APLP2: variants seen among roughly 807,000 people sequenced by gnomAD.
The protein encoded by APLP2 is CDEI box-binding protein.
Under a neutral mutation model 89.9 loss-of-function variants are expected in APLP2, and 53 were observed. The ratio of observed to expected loss-of-function variants is 0.59; its 90% confidence interval spans 0.47 to 0.74. The LOEUF is 0.74. Among genes scored for constraint, APLP2 ranks in the 30% least tolerant of loss-of-function variants. The pLI is 0.00. For synonymous variants in APLP2, 372 were observed against 348.6 expected (o/e 1.07, Z -0.75); for missense variants, 973 against 975.9 (o/e 1.00, Z 0.04).
At chr11:130,142,126 G>T (rs1269823580) in intron 16 of APLP2, 52 bp downstream of exon 16, 9 of 1,536,796 alleles carry the variant, frequency 5.9e-6, no homozygotes, top group Non-Finnish European at 7.0e-6. Flanking sequence ...CTGGGTTGGG[G>T]GTGGGAACCT....
At chr11:130,127,665 A>G (rs1950529588) in intron 8 of APLP2, 101 bp from the exon 9 acceptor site, 2 of 964,612 alleles carry the variant, frequency 2.1e-6, no homozygotes, top group African/African-American at 3.2e-5. Context: ...TTCCTTTTGC[A>G]GTTTCCTGTG....
intron 11 of APLP2, among the ~76,000 whole-genome samples, chr11:130,130,709 C>G (rs375415631): frequency 2.6e-5 from 4 of 152,328 alleles, no homozygotes; most frequent in Non-Finnish European, 5.9e-5. Context: ...ACCAGGAAGT[C>G]TCCTAGCTCA....
At chr11:130,091,344 G>C (rs1162974022) in intron 1 of APLP2, among the ~76,000 whole-genome samples, 1 of 143,534 alleles carries the variant, frequency 7.0e-6, no homozygotes. Flanking sequence ...CCTCCCGGAC[G>C]GGGCGGCTGG....
rs1213909770 is a variant in APLP2 at position 130,111,304 on chromosome 11, G to A, written c.403+643G>A. Among the ~76,000 whole-genome samples the A allele has an allele frequency of 5.3e-5, 8 of 152,264 alleles. No individual in the cohort carries two copies. In the South Asian group the frequency reaches 1.4e-3, roughly 28 times the overall value. Reference sequence around the variant, plus strand: ...GAATATATTCATTTTAACTATTTGTGCCTGATACATTGGAATTACACTCAC... The same window carrying A: ...GAATATATTCATTTTAACTATTTGTACCTGATACATTGGAATTACACTCAC... On this transcript the variant is annotated intron_variant, in intron 3 of 16. Coordinates refer to ENST00000338167, the MANE Select transcript of APLP2 (RefSeq NM_001142276.2).
At chr11:130,100,092 G>A (rs904421580) in intron 1 of APLP2, among the ~76,000 whole-genome samples, 2 of 152,328 alleles carry the variant, frequency 1.3e-5, no homozygotes, top group East Asian at 1.9e-4. Flanking sequence ...TCATTTAAAC[G>A]TCAGAGCAGC....
intron 1 of APLP2, among the ~76,000 whole-genome samples, chr11:130,088,457 G>A (rs1042356849): frequency 6.6e-6 from 1 of 151,970 alleles, no homozygotes; most frequent in South Asian, 2.1e-4. Context: ...TTAGCAATGC[G>A]AATCATCTAG....
Position 130,123,968 on chromosome 11 carries a change from G to A in APLP2, c.1090+189G>A, listed in dbSNP as rs913415950. ...TCTCCTGCCGGCAGTGGTAAGCTCA[G>A]TTCTCGTGTCCTGTGCTCACCGTGT... is the stretch of plus-strand genomic sequence containing the variant. On this transcript the variant is annotated intron_variant, in intron 7 of 16. Coordinates refer to ENST00000338167, the MANE Select transcript of APLP2 (RefSeq NM_001142276.2). The surrounding 1 kb of genome is among the most constrained non-coding windows in gnomAD (Gnocchi z 4.0). Among the ~76,000 whole-genome samples the A allele has an allele frequency of 6.6e-6, 1 of 152,182 alleles. No homozygotes were observed. Among genetic ancestry groups the A allele is most frequent in the African/African-American group, 2.4e-5 (1 of 41,452 alleles).
intron 1 of APLP2, among the ~76,000 whole-genome samples, chr11:130,107,565 G>T (rs576130932): frequency 6.6e-6 from 1 of 152,094 alleles, no homozygotes; most frequent in African/African-American, 2.4e-5. Context: ...AAATAAAAGA[G>T]GACACAAACA....
intron 3 of APLP2, chr11:130,114,299 A>T (rs1948934329): frequency 6.6e-6 from 1 of 152,176 alleles, no homozygotes; most frequent in African/African-American, 2.4e-5. Context: ...GCCTCCGATA[A>T]ACCTCACTGG....
intron 3 of APLP2, among the ~76,000 whole-genome samples, chr11:130,112,277 T>C (rs1406835978): frequency 6.6e-6 from 1 of 152,236 alleles, no homozygotes; most frequent in Non-Finnish European, 1.5e-5. Context: ...TCATTTCATT[T>C]ATTTTGATGA....
intron 1 of APLP2, among the ~76,000 whole-genome samples, chr11:130,071,942 G>A (rs1228830357): frequency 3.3e-5 from 5 of 152,218 alleles, no homozygotes; most frequent in Admixed American, 2.6e-4. Context: ...GCAAGGGACT[G>A]TCGAAGCTTA....
intron 1 of APLP2, among the ~76,000 whole-genome samples, chr11:130,088,037 CAA>C (rs1171753896): frequency 6.6e-6 from 1 of 152,174 alleles, no homozygotes; most frequent in Non-Finnish European, 1.5e-5. Flanking sequence ...AGCTCCCAGC[CAA>C]ACAGTTTTTA....
intron 1 of APLP2, among the ~76,000 whole-genome samples, chr11:130,093,767 A>G (rs1945779674): frequency 6.6e-6 from 1 of 151,908 alleles, no homozygotes; most frequent in Non-Finnish European, 1.5e-5. Flanking sequence ...TTTTTGAGAC[A>G]GGGTCTCACT....
chr11:130,123,900 T>C lies in APLP2; in HGVS notation c.1090+121T>C, dbSNP rs1591828518. 9.0e-7 allele frequency: 1 copy of C among 1,112,742 alleles called. No homozygotes were observed. The highest frequency in any genetic ancestry group is 1.5e-5 in the South Asian group (1 of 68,562). 68.9% of individuals were successfully genotyped at this position (1,112,742 alleles called of 1,614,324 possible). A position where few individuals can be genotyped will look rare whatever the true frequency, so the allele number is the denominator to read the frequency against. On this transcript the variant is annotated intron_variant, in intron 7 of 16. Coordinates refer to ENST00000338167, the MANE Select transcript of APLP2 (RefSeq NM_001142276.2). The surrounding 1 kb of genome is among the most constrained non-coding windows in gnomAD (Gnocchi z 4.0). ...TGCCCACTCGGGTGTTTGCTGTCGG[T>C]CGTCTTCCCCTCATCTTTGTGCTTT...
chr11:130,070,422 CGGGACAATGCCAGGGCGCTCCTCT>C, intron 1 of APLP2: 1 of 699,660 alleles, frequency 1.4e-6, no homozygotes, highest in Non-Finnish European at 1.9e-6. Context: ...CGCCCTCCCC[CGGGACAATGCCAGGGCGCTCCTCT>C]CCCGCCGGAG....
chr11:130,117,191 G>A (rs993666364), intron 3 of APLP2, among the ~76,000 whole-genome samples: 2 of 151,820 alleles, frequency 1.3e-5, no homozygotes, highest in East Asian at 3.9e-4. Flanking sequence ...GTTCTTTTTT[G>A]ATTTTTAGAG....
At chr11:130,127,697 T>A in intron 8 of APLP2, 69 bp from the exon 9 acceptor site, 1 of 1,318,450 alleles carries the variant, frequency 7.6e-7, no homozygotes, top group East Asian at 2.3e-5. Context: ...CTGACAGTGT[T>A]TTTAGCAAAT....
chr11:130,129,300 C>A, intron 10 of APLP2, 94 bp downstream of exon 10: 2 of 1,393,404 alleles, frequency 1.4e-6, no homozygotes, highest in Non-Finnish European at 1.9e-6. Context: ...ATTTGTATGA[C>A]AAGTTCTGGC....
At chr11:130,083,077 C>T (rs1275588199) in intron 1 of APLP2, among the ~76,000 whole-genome samples, 1 of 116,472 alleles carries the variant, frequency 8.6e-6, no homozygotes. Flanking sequence ...ACACTGTTGT[C>T]CAGGCCAGAG....
Sources: allele counts gnomAD v4.1 joint callset (sites outside exome capture counted in the v4.1 genomes callset), GRCh38; gene constraint gnomAD v4.1.1; non-coding constraint Gnocchi (gnomAD v3.1); transcripts MANE v1.5; gene names NCBI Gene and HGNC (gene_info 2026-07-23, HGNC 2026-07-21).